SLC17A8: variants seen among roughly 807,000 people sequenced by gnomAD.
The protein encoded by SLC17A8 is vesicular glutamate transporter 3.
SLC17A8 carries 31 observed loss-of-function variants against 58.0 expected under a neutral mutation model. The ratio of observed to expected loss-of-function variants is 0.53; its 90% confidence interval spans 0.40 to 0.72. The LOEUF (loss-of-function observed/expected upper bound fraction) is 0.72. Ranked by LOEUF, SLC17A8 falls within the 30% of genes least tolerant of loss-of-function variation. The pLI is 0.00. For synonymous variants in SLC17A8, 228 were observed against 249.0 expected, an observed-to-expected ratio of 0.92 and a Z score of 0.79; for missense variants, 655 against 727.8, an observed-to-expected ratio of 0.90 and a Z score of 1.15.
chr12:100,393,227 G>A, intron 3 of SLC17A8, 142 bp from the exon 4 acceptor site: 2 of 622,030 alleles, frequency 3.2e-6, no homozygotes, highest in Non-Finnish European at 3.0e-6. Context: ...GCCTCCCAAA[G>A]TGCTGGGATT....
chr12:100,375,537 CAGCCTGTG>C (rs1952589143), intron 1 of SLC17A8, among the ~76,000 whole-genome samples: 1 of 152,212 alleles, frequency 6.6e-6, no homozygotes, highest in African/African-American at 2.4e-5. Flanking sequence ...GGCAGAATAA[CAGCCTGTG>C]AGAAAGAGGC....
chr12:100,368,926 C>A (rs7955010), intron 1 of SLC17A8, among the ~76,000 whole-genome samples: 1 of 152,060 alleles, frequency 6.6e-6, no homozygotes, highest in South Asian at 2.1e-4. Context: ...AAGTTCTTAG[C>A]TGCAATCAAC....
Position 100,387,310 on chromosome 12 carries a change from C to T in SLC17A8, c.355-3691C>T, listed in dbSNP as rs181862807. On this transcript the variant is annotated intron_variant, in intron 2 of 11. Transcript: ENST00000323346. ...GGTCATCCTAACAGGTATAAAGTGA[C>T]GTCTTATGGTGGTTTTGATTTGCAT... Among the ~76,000 whole-genome samples, 89 of 152,222 alleles carry T rather than the reference C, an allele frequency of 5.8e-4. No homozygotes were observed. The East Asian group carries it at 6.0e-3, about 10-fold the overall frequency.
chr12:100,377,585 ATTTTT>A (rs35397911), intron 1 of SLC17A8, among the ~76,000 whole-genome samples: 4 of 84,028 alleles, frequency 4.8e-5, no homozygotes, highest in Admixed American at 1.5e-4. Flanking sequence ...ATATATATAT[ATTTTT>A]TTTTTTTTTT....
rs184250310 is a variant in SLC17A8 at position 100,413,751 on chromosome 12, G to A, written c.1297+871G>A. On this transcript the variant is annotated intron_variant, in intron 10 of 11. Transcript: ENST00000323346. ...AGCACTTTGGGAGACCGAGACGAAT[G>A]GATCACTTGAGCCCAGGAGTTCAAG... Among the ~76,000 whole-genome samples the A allele has an allele frequency of 2.3e-3, 345 of 152,276 alleles. 2 individuals are homozygous for A. Among genetic ancestry groups the A allele is most frequent in the African/African-American group, 7.8e-3 (324 of 41,550 alleles).
chr12:100,396,350 C>A lies in SLC17A8; in HGVS notation c.609C>A (p.Cys203Ter). 1 of 1,614,006 alleles carries A rather than the reference C, an allele frequency of 6.2e-7. No homozygotes were observed. The highest frequency in any genetic ancestry group is 8.5e-7 in the Non-Finnish European group (1 of 1,179,954). The change falls in exon 5 of 12, where the codon TGC (cysteine) becomes TGA (stop). Residue 203 changes from cysteine (C) to a stop codon, truncating the protein, a stop_gained. Transcript: ENST00000323346. LOFTEE classifies it high-confidence loss of function. ...GLVEGVTYPACHGMWSKWAPP... is the reference protein window; with the variant it reads ...GLVEGVTYPA The stretch of plus-strand genomic sequence containing the variant: ...GCCAGGGTGTGACCTACCCAGCCTG[C>A]CATGGGATGTGGAGTAAGTGGGCAC...
At chr12:100,381,513 G>C (rs1461389583) in intron 2 of SLC17A8, among the ~76,000 whole-genome samples, 1 of 151,882 alleles carries the variant, frequency 6.6e-6, no homozygotes. Context: ...GTGTGGTGTG[G>C]TGGGAAGAAG....
intron 2 of SLC17A8, among the ~76,000 whole-genome samples, chr12:100,382,909 T>G (rs1952647277): frequency 2.0e-5 from 3 of 152,180 alleles, no homozygotes. Context: ...ACCAAGAGAT[T>G]ATTCTGCCAG....
intron 9 of SLC17A8, among the ~76,000 whole-genome samples, chr12:100,404,650 A>G (rs1277647222): frequency 6.6e-6 from 1 of 152,152 alleles, no homozygotes; most frequent in Non-Finnish European, 1.5e-5. Flanking sequence ...AACCCCTACA[A>G]TGTTCATGAG....
Position 100,402,605 on chromosome 12 carries a change from A to G in SLC17A8, c.913A>G (p.Thr305Ala), listed in dbSNP as rs763702478. 2 of 1,613,902 alleles carry G rather than the reference A, an allele frequency of 1.2e-6. No homozygotes were observed. The highest frequency in any genetic ancestry group is 1.7e-6 in the Non-Finnish European group (2 of 1,179,948). The change falls in exon 8 of 12, where the codon ACC (threonine) becomes GCC (alanine). Residue 305 changes from threonine (T) to alanine (A), a missense_variant. Coordinates refer to ENST00000323346, the MANE Select transcript of SLC17A8 (RefSeq NM_139319.3). ...ANVVSLSKFSTPWKRFFTSLP... is the reference protein window; with the variant it reads ...ANVVSLSKFSAPWKRFFTSLP... ...TATTTTTACTCCCTAGAAATTTAGT[A>G]CCCCATGGAAAAGATTTTTCACATC...
chr12:100,399,538 C>T (rs1438736859), intron 5 of SLC17A8, among the ~76,000 whole-genome samples: 3 of 152,078 alleles, frequency 2.0e-5, no homozygotes, highest in Non-Finnish European at 1.5e-5. Flanking sequence ...AACTTACAAT[C>T]ACGGCAGGAG....
chr12:100,398,516 A>C (rs1437219983), intron 5 of SLC17A8, among the ~76,000 whole-genome samples: 1 of 152,214 alleles, frequency 6.6e-6, no homozygotes, highest in Non-Finnish European at 1.5e-5. Flanking sequence ...GATTTAAGAA[A>C]TGGTTTGACT....
At chr12:100,411,846 GTT>G (rs3057179) in intron 9 of SLC17A8, among the ~76,000 whole-genome samples, 67,921 of 142,748 alleles carry the variant, frequency 0.48, 15,754 homozygotes, top group Non-Finnish European at 0.52. Context: ...TGTATTGTTT[GTT>G]TTTTTTTTTT....
At chr12:100,385,329 C>T (rs1352909918) in intron 2 of SLC17A8, among the ~76,000 whole-genome samples, 1 of 151,178 alleles carries the variant, frequency 6.6e-6, no homozygotes, top group Non-Finnish European at 1.5e-5. Flanking sequence ...CTCCACCTCC[C>T]CGGTTCAAGC....
chr12:100,405,962 T>C (rs1952823542), intron 9 of SLC17A8, among the ~76,000 whole-genome samples: 1 of 152,092 alleles, frequency 6.6e-6, no homozygotes, highest in Non-Finnish European at 1.5e-5. Context: ...GTCAGGGCAA[T>C]AGTGAGAACT....
At chr12:100,393,879 A>C (rs1952733755) in intron 4 of SLC17A8, among the ~76,000 whole-genome samples, 1 of 152,224 alleles carries the variant, frequency 6.6e-6, no homozygotes, top group South Asian at 2.1e-4. Flanking sequence ...AATTCAATGA[A>C]GGAGGCAGCA....
At chr12:100,384,707 G>A (rs1485035717) in intron 2 of SLC17A8, among the ~76,000 whole-genome samples, 3 of 152,190 alleles carry the variant, frequency 2.0e-5, no homozygotes, top group Non-Finnish European at 2.9e-5. Context: ...AGCCTGAGGT[G>A]GGGCTGAAAC....
At chr12:100,409,177 G>A (rs1036279811) in intron 9 of SLC17A8, among the ~76,000 whole-genome samples, 1 of 151,666 alleles carries the variant, frequency 6.6e-6, no homozygotes, top group South Asian at 2.1e-4. Flanking sequence ...ATGTATGTAT[G>A]TATGTATGTA....
At chr12:100,409,734 A>G (rs1352070728) in intron 9 of SLC17A8, among the ~76,000 whole-genome samples, 1 of 152,216 alleles carries the variant, frequency 6.6e-6, no homozygotes, top group East Asian at 1.9e-4. Context: ...AAAAGAGAAA[A>G]TGATGAGAGA....
Sources: allele counts gnomAD v4.1 joint callset (sites outside exome capture counted in the v4.1 genomes callset), GRCh38; gene constraint gnomAD v4.1.1; transcripts MANE v1.5; gene names NCBI Gene and HGNC (gene_info 2026-07-23, HGNC 2026-07-21).